PLXNB3: variants seen among roughly 807,000 people sequenced by gnomAD.
PLXNB3 encodes plexin B3.
Under a neutral mutation model 125.7 loss-of-function variants are expected in PLXNB3, and 80 were observed. The observed-to-expected ratio is 0.64, with a 90% confidence interval of 0.53 to 0.77. PLXNB3 has a LOEUF of 0.77. PLXNB3 is among the 30% of genes least tolerant of loss of function. PLXNB3 has a pLI of 0.00. For synonymous variants in PLXNB3, 954 were observed against 783.3 expected, an observed-to-expected ratio of 1.22 and a Z score of -3.64; for missense variants, 1,836 against 1,729.3, an observed-to-expected ratio of 1.06 and a Z score of -1.09.
Position 153,770,337 on chromosome X carries a change from GACC to G in PLXNB3, c.1789_1791del (p.His597del). 2 of 1,208,460 alleles carry G rather than the reference GACC, an allele frequency of 1.7e-6. No individual in the cohort carries two copies. The highest frequency in any genetic ancestry group is 2.2e-6 in the Non-Finnish European group (2 of 893,253). On this transcript the variant is annotated inframe_deletion and splice_region_variant, in exon 9 of 36. Coordinates refer to ENST00000361971, the MANE Select transcript of PLXNB3 (RefSeq NM_005393.3). ...GTCCTGCCCCCACTGTCCCCTCCCA[GACC>G]ACGTCACTGTGCCCCTGGCCCTGAT...
rs184129349 is a variant in PLXNB3 at position 153,778,743 on chromosome X, C to T, written c.5625+69C>T. 553 of 1,126,048 alleles carry T rather than the reference C, an allele frequency of 4.9e-4. 1 individual carries two copies. In the African/African-American group the frequency reaches 5.4e-3, roughly 11 times the overall value. The allele number at this position is 1,126,048 out of a possible 1,213,427, so 92.8% of individuals were successfully genotyped here. On this transcript the variant is annotated intron_variant, in intron 35 of 35. Coordinates refer to ENST00000361971, the MANE Select transcript of PLXNB3 (RefSeq NM_005393.3). ...AGGCCCGTGGACCCTCCCGGGGGAG[C>T]AGGGGTGCCAGCCCATGCTGGCGGG...
chrX:153,777,701 C>T lies in PLXNB3; in HGVS notation c.5261+13C>T. On this transcript the variant is annotated intron_variant, in intron 31 of 35. Transcript: ENST00000361971. Reference sequence around the variant, plus strand: ...GGAAGACCAACAGGTGCCTTTCCTGCTGCCCCACCCCTGCTGTGCATATGG... The same window carrying T: ...GGAAGACCAACAGGTGCCTTTCCTGTTGCCCCACCCCTGCTGTGCATATGG... 1 of 1,206,288 alleles carries T rather than the reference C, an allele frequency of 8.3e-7. No homozygotes were observed. Among genetic ancestry groups the T allele is most frequent in the Non-Finnish European group, 1.1e-6 (1 of 891,329 alleles).
In PLXNB3 at chrX:153,770,579, T is replaced by G. The variant is rs190195934; in HGVS notation, c.1947T>G (p.Ser649Arg). 33 of 1,210,264 alleles carry G rather than the reference T, an allele frequency of 2.7e-5. No individual in the cohort carries two copies. Among genetic ancestry groups the G allele is most frequent in the Middle Eastern group, 4.6e-4 (2 of 4,349 alleles). Residue 649 changes from serine to arginine, a missense_variant, in exon 10 of 36, where the codon AGT becomes AGG. By Grantham distance (110) the Ser-to-Arg change is moderately radical. Coordinates refer to ENST00000361971, the MANE Select transcript of PLXNB3 (RefSeq NM_005393.3). The part of the protein sequence containing the change: ...SIWRCHWCPQ[S>R]SHCVYGEHCP... ...GGCGGTGTCACTGGTGCCCGCAGAG[T>G]AGCCACTGCGTGTACGGAGAGCACT...
At chrX:153,765,301 G>A (rs2091844914) in intron 1 of PLXNB3, among the ~76,000 whole-genome samples, 170 bp from the exon 2 acceptor site, 2 of 113,051 alleles carry the variant, frequency 1.8e-5, no homozygotes, top group African/African-American at 6.4e-5. Context: ...TGGACAGAGG[G>A]AACATTGTTG....
In PLXNB3 at chrX:153,769,888, G is replaced by A. The variant is rs782180210; in HGVS notation, c.1578G>A (p.Leu526=). Residue 526 remains leucine, a synonymous_variant, in exon 7 of 36, where the codon CTG becomes CTA. Transcript: ENST00000361971. The part of the protein sequence containing the change: ...LWSYEEDSHC[L]HIQSLLPGHH... ...GTTATGAGGAGGACAGCCACTGCCT[G>A]CACATCCAGAGCCTGCTGCCGGGCC... is the stretch of plus-strand genomic sequence containing the variant. The A allele has an allele frequency of 1.7e-6, 2 of 1,208,874 alleles. No individual in the cohort carries two copies. The highest frequency in any genetic ancestry group is 2.2e-6 in the Non-Finnish European group (2 of 894,697).
intron 16 of PLXNB3, 199 bp from the exon 17 acceptor site, chrX:153,772,687 C>T (rs782629084): frequency 9.8e-6 from 10 of 1,018,351 alleles, no homozygotes; most frequent in Middle Eastern, 2.7e-4. Flanking sequence ...ACTTCTACTC[C>T]CCATGCGGCA....
Position 153,776,936 on chromosome X carries a change from G to A in PLXNB3, c.4883G>A (p.Ser1628Asn), listed in dbSNP as rs1244516232. Residue 1628 changes from serine (S) to asparagine (N), a missense_variant, in exon 29 of 36, where the codon AGC becomes AAC. Ser to Asn is a conservative substitution (Grantham distance 46, BLOSUM62 1). Coordinates refer to ENST00000361971, the MANE Select transcript of PLXNB3 (RefSeq NM_005393.3). ...VGLVPQLHRGSTISQSLAQRC... is the reference protein window; with the variant it reads ...VGLVPQLHRGNTISQSLAQRC... ...CTCGTCCCTCAGCTGCACCGTGGCA[G>A]CACCATCTCCCAGAGCCTGGCCCAG... 1 of 1,200,339 alleles carries A rather than the reference G, an allele frequency of 8.3e-7. No individual in the cohort carries two copies. The highest frequency in any genetic ancestry group is 1.1e-6 in the Non-Finnish European group (1 of 889,096).
chrX:153,766,657 A>G (rs2091861921), intron 2 of PLXNB3: 1 of 748,861 alleles, frequency 1.3e-6, no homozygotes, highest in Non-Finnish European at 1.6e-6. Context: ...CTCTTGCTCC[A>G]GCTCTTGGAC....
At chrX:153,769,382 C>T in intron 6 of PLXNB3, 120 bp downstream of exon 6, 1 of 552,099 alleles carries the variant, frequency 1.8e-6, no homozygotes, top group Non-Finnish European at 2.9e-6. Context: ...AGACTCAGGG[C>T]CACCACGGAG....
chrX:153,774,457 T>C lies in PLXNB3; in HGVS notation c.3716T>C (p.Val1239Ala). The C allele has an allele frequency of 2.5e-6, 3 of 1,203,830 alleles. No individual in the cohort carries two copies. The highest frequency in any genetic ancestry group is 3.4e-6 in the Non-Finnish European group (3 of 891,946). The part of the protein sequence containing the change: ...MGNVQLALGP[V>A]QYEAEPPLSA... ...AATGTGCAGCTGGCCCTGGGCCCTG[T>C]GCAGTACGAGGCTGAACCCCCGCTG... Residue 1239 changes from valine (V) to alanine (A), a missense_variant, in exon 22 of 36, where the codon GTG becomes GCG. Transcript: ENST00000361971.
chrX:153,771,127 AC>A (rs1168789058), intron 12 of PLXNB3, 46 bp downstream of exon 12: 1 of 1,091,214 alleles, frequency 9.2e-7, no homozygotes, highest in Non-Finnish European at 1.3e-6. Context: ...GCTTCCGTAG[AC>A]CCTCAGGGGT....
rs1037419212 is a variant in PLXNB3 at position 153,765,484 on chromosome X, C to T, written c.-52C>T. ...CCTCCCACTCAGGACAATGCCCCCC[C>T]GCAGCCATCTCATGCCCATCGCCAC... is the stretch of plus-strand genomic sequence containing the variant. On this transcript the variant is annotated 5_prime_UTR_variant, in exon 2 of 36. Coordinates refer to ENST00000361971, the MANE Select transcript of PLXNB3 (RefSeq NM_005393.3). The T allele has an allele frequency of 1.1e-5, 13 of 1,160,677 alleles. No individual in the cohort carries two copies. The highest frequency in any genetic ancestry group is 3.8e-5 in the South Asian group (2 of 52,559).
At chrX:153,764,989 G>A (rs1323086234) in intron 1 of PLXNB3, among the ~76,000 whole-genome samples, 1 of 113,233 alleles carries the variant, frequency 8.8e-6, no homozygotes, top group Non-Finnish European at 1.9e-5. Context: ...TTTGGACAAA[G>A]GCAGGCATTG....
In PLXNB3 at chrX:153,769,032, C is replaced by A. The variant is rs953495911; in HGVS notation, c.1351C>A (p.Leu451Met). ...PGSAISPDLL[L>M]DSSGSHLYVL... Reference sequence around the variant, plus strand: ...CTCAGCCATCAGCCCAGACCTGCTGCTGGACAGCAGTGGCAGTCACCTCTA... The same window carrying A: ...CTCAGCCATCAGCCCAGACCTGCTGATGGACAGCAGTGGCAGTCACCTCTA... The change falls in exon 5 of 36, where the codon CTG (leucine) becomes ATG (methionine). Residue 451 changes from leucine to methionine, a missense_variant. Transcript: ENST00000361971. 1 of 1,210,222 alleles carries A rather than the reference C, an allele frequency of 8.3e-7. No homozygotes were observed. Among genetic ancestry groups the A allele is most frequent in the Non-Finnish European group, 1.1e-6 (1 of 893,970 alleles).
At position 153,767,697 on chromosome X, in the gene PLXNB3, G is replaced by A; in HGVS notation, c.870G>A (p.Gln290=). 1 of 1,184,777 alleles carries A rather than the reference G, an allele frequency of 8.4e-7. No homozygotes were observed. Residue 290 remains glutamine, a synonymous_variant, in exon 3 of 36, where the codon CAG becomes CAA. Coordinates refer to ENST00000361971, the MANE Select transcript of PLXNB3 (RefSeq NM_005393.3). ...CCTGCCAGGGCCAGGGCCTCATCCAGGCCGCCTTCCTTGCCCCGGGCACCT... is the reference window on the plus strand; with the variant it reads ...CCTGCCAGGGCCAGGGCCTCATCCAAGCCGCCTTCCTTGCCCCGGGCACCT... ...PLACQGQGLI[Q]AAFLAPGTLL...
chrX:153,767,578 C>T lies in PLXNB3; in HGVS notation c.751C>T (p.Arg251Cys), dbSNP rs782704025. 1.1e-5 allele frequency: 13 copies of T among 1,172,884 alleles called. No homozygotes were observed. Among genetic ancestry groups the T allele is most frequent in the South Asian group, 5.9e-5 (3 of 51,252 alleles). The change falls in exon 3 of 36, where the codon CGC (arginine) becomes TGC (cysteine). Residue 251 changes from arginine (R) to cysteine (C), a missense_variant. Transcript: ENST00000361971. ...ARSAYFVFRR[R>C]GARAQAEYRS... ...CTCCGCCTACTTCGTGTTCCGCCGC[C>T]GCGGGGCCCGGGCCCAGGCTGAGTA...
chrX:153,775,296 G>C lies in PLXNB3; in HGVS notation c.4227G>C (p.Ser1409=). The C allele has an allele frequency of 8.3e-7, 1 of 1,208,769 alleles. No individual in the cohort carries two copies. The highest frequency in any genetic ancestry group is 2.2e-5 in the Admixed American group (1 of 45,905). Residue 1409 remains serine, a synonymous_variant, in exon 25 of 36, where the codon TCG becomes TCC. Transcript: ENST00000361971. ...RDRCHVASLL[S]LALHGKLEYL... The stretch of plus-strand genomic sequence containing the variant: ...GCTGCCATGTGGCTTCGCTGCTGTC[G>C]CTAGCGCTACACGGCAAGCTGGAGT...
intron 6 of PLXNB3, 48 bp from the exon 7 acceptor site, chrX:153,769,759 T>A: frequency 8.5e-7 from 1 of 1,170,006 alleles, no homozygotes; most frequent in East Asian, 3.1e-5. Flanking sequence ...CCGGTCATCC[T>A]TGGAGTCTAG....
chrX:153,770,648 T>C lies in PLXNB3; in HGVS notation c.2010+6T>C, dbSNP rs1603245056. On this transcript the variant is annotated splice_donor_region_variant and intron_variant, in intron 10 of 35. Transcript: ENST00000361971. ...CCATCTACAGCGCCCAGGAGGTGGG[T>C]GGGCCCGAACTTCGGGCAGAGACAG... 8.3e-7 allele frequency: 1 copy of C among 1,208,960 alleles called. No homozygotes were observed. Among genetic ancestry groups the C allele is most frequent in the Non-Finnish European group, 1.1e-6 (1 of 893,704 alleles).
Sources: gnomAD v4.1 joint callset for allele counts (sites outside exome capture counted in the v4.1 genomes callset) on GRCh38, gnomAD v4.1.1 for gene constraint, MANE v1.5 for transcripts, NCBI Gene and HGNC (gene_info 2026-07-23, HGNC 2026-07-21) for gene names.